EBPL: variants seen among roughly 807,000 people sequenced by gnomAD.
The protein encoded by EBPL is emopamil-binding protein-like.
EBPL carries 20 observed loss-of-function variants against 19.0 expected under a neutral mutation model. That is an observed-to-expected ratio of 1.05 (90% CI 0.74 to 1.53). EBPL has a LOEUF of 1.53. Ranked by LOEUF, EBPL falls within the 40% of genes most tolerant of loss-of-function variation. EBPL has a pLI of 0.00. For synonymous variants in EBPL, 107 were observed against 117.0 expected (o/e 0.91, Z 0.55); for missense variants, 219 against 261.1 (o/e 0.84, Z 1.11).
At chr13:49,685,637 G>A (rs1969739) in intron 1 of EBPL, among the ~76,000 whole-genome samples, 19,090 of 152,136 alleles carry the variant, frequency 0.13, 2,353 homozygotes, top group East Asian at 0.58. Context: ...CACTTTGGGA[G>A]GCTGAGACAG....
chr13:49,669,416 C>A (rs1953786226), intron 2 of EBPL, among the ~76,000 whole-genome samples: 1 of 152,086 alleles, frequency 6.6e-6, no homozygotes, highest in African/African-American at 2.4e-5. Context: ...TGCCCAGGCT[C>A]AAATATTGTT....
At chr13:49,691,191 C>A (rs1954059787) in intron 1 of EBPL, 63 bp downstream of exon 1, 4 of 1,253,258 alleles carry the variant, frequency 3.2e-6, no homozygotes, top group Non-Finnish European at 4.0e-6. Context: ...CCTCACCCCG[C>A]CTTGCCGCCC....
intron 2 of EBPL, chr13:49,668,235 C>T: frequency 6.0e-6 from 1 of 167,764 alleles, no homozygotes; most frequent in Non-Finnish European, 1.3e-5. Context: ...AACAGGAGTC[C>T]CCCACACAGA....
chr13:49,690,173 C>CAAAAAAAAAAAAAAAA (rs1332181431), intron 1 of EBPL, among the ~76,000 whole-genome samples: 6 of 96,484 alleles, frequency 6.2e-5, no homozygotes, highest in Non-Finnish European at 1.0e-4. Flanking sequence ...AAAAAAAAGA[C>CAAAAAAAAAAAAAAAA]AAAAAAAAAA....
intron 3 of EBPL, among the ~76,000 whole-genome samples, chr13:49,662,198 A>G (rs1317553880): frequency 6.6e-6 from 1 of 152,080 alleles, no homozygotes; most frequent in African/African-American, 2.4e-5. Context: ...GGGTTTCACC[A>G]TGTTGGCCAG....
At chr13:49,674,099 C>T (rs1489224161) in intron 1 of EBPL, among the ~76,000 whole-genome samples, 1 of 151,854 alleles carries the variant, frequency 6.6e-6, no homozygotes, top group African/African-American at 2.4e-5. Context: ...CCAAAATTAT[C>T]AAAATAGAAA....
chr13:49,675,160 C>T (rs1436789904), intron 1 of EBPL, among the ~76,000 whole-genome samples: 1 of 152,190 alleles, frequency 6.6e-6, no homozygotes, highest in African/African-American at 2.4e-5. Flanking sequence ...TTCACACAAA[C>T]CTAGGTTGTG....
chr13:49,675,876 TTG>T (rs1285697488), intron 1 of EBPL, among the ~76,000 whole-genome samples: 1 of 93,562 alleles, frequency 1.1e-5, no homozygotes, highest in South Asian at 3.7e-4. Context: ...TTTGTTGTTA[TTG>T]TTTTTTTTTT....
rs543577517 is a variant in EBPL at position 49,668,940 on chromosome 13, C to T, written c.241+837G>A. Among the ~76,000 whole-genome samples, 9 of 146,968 alleles carry T rather than the reference C, an allele frequency of 6.1e-5. No homozygotes were observed. The South Asian group carries it at 1.5e-3, about 25-fold the overall frequency. The stretch of plus-strand genomic sequence containing the variant: ...TGTCACCCAGACTGGAGTGCAGTGG[C>T]GTGATCTCGGCTCACTGCAAGCTCC... On this transcript the variant is annotated intron_variant, in intron 2 of 3. Coordinates refer to ENST00000242827, the MANE Select transcript of EBPL (RefSeq NM_032565.5).
At chr13:49,672,595 T>C (rs1375855615) in intron 1 of EBPL, among the ~76,000 whole-genome samples, 1 of 152,038 alleles carries the variant, frequency 6.6e-6, no homozygotes, top group African/African-American at 2.4e-5. Context: ...AAAATAATAA[T>C]AACAATAATA....
intron 1 of EBPL, among the ~76,000 whole-genome samples, chr13:49,678,525 A>T (rs916816379): frequency 3.3e-5 from 5 of 152,148 alleles, no homozygotes; most frequent in African/African-American, 4.8e-5. Flanking sequence ...TGGGGAACCC[A>T]GCTCACCCTC....
At chr13:49,664,489 A>G (rs4142157) in intron 2 of EBPL, among the ~76,000 whole-genome samples, 151,381 of 152,262 alleles carry the variant, frequency 0.99, 75,255 homozygotes, top group Middle Eastern at 1. Flanking sequence ...GTTTCTTCTC[A>G]GGAACACCAT....
At chr13:49,673,017 C>T (rs1953835018) in intron 1 of EBPL, among the ~76,000 whole-genome samples, 1 of 152,070 alleles carries the variant, frequency 6.6e-6, no homozygotes, top group Non-Finnish European at 1.5e-5. Flanking sequence ...CGTGATTGTG[C>T]CACTGCACTC....
chr13:49,673,463 A>G (rs1466430775), intron 1 of EBPL, among the ~76,000 whole-genome samples: 2 of 152,332 alleles, frequency 1.3e-5, no homozygotes, highest in Middle Eastern at 3.4e-3. Context: ...TTTGAGACAC[A>G]GTTTCACTCT....
At chr13:49,682,128 C>T (rs991940901) in intron 1 of EBPL, among the ~76,000 whole-genome samples, 5 of 152,162 alleles carry the variant, frequency 3.3e-5, no homozygotes, top group East Asian at 1.9e-4. Flanking sequence ...CTTAATTAGA[C>T]GATGATTTCC....
chr13:49,662,762 A>G (rs953971126), intron 3 of EBPL, among the ~76,000 whole-genome samples: 1 of 151,836 alleles, frequency 6.6e-6, no homozygotes, highest in South Asian at 2.1e-4. Flanking sequence ...CCTCTTAAGT[A>G]TCTGGGACTA....
At chr13:49,670,414 A>C (rs563994531) in intron 1 of EBPL, among the ~76,000 whole-genome samples, 1 of 152,360 alleles carries the variant, frequency 6.6e-6, no homozygotes, top group South Asian at 2.1e-4. Context: ...CCATCACTGA[A>C]GTGCTTCTTT....
At chr13:49,663,337 G>A (rs1965176953) in intron 2 of EBPL, 142 bp from the exon 3 acceptor site, 6 of 1,106,060 alleles carry the variant, frequency 5.4e-6, no homozygotes, top group African/African-American at 1.6e-5. Flanking sequence ...TTAGTGGAAG[G>A]CAGGAGAAGC....
intron 1 of EBPL, among the ~76,000 whole-genome samples, chr13:49,675,320 A>G (rs1190727804): frequency 6.6e-6 from 1 of 152,254 alleles, no homozygotes; most frequent in Non-Finnish European, 1.5e-5. Context: ...ACTGCACTAC[A>G]ACATTATGAC....
Sources: allele counts gnomAD v4.1 joint callset (sites outside exome capture counted in the v4.1 genomes callset), GRCh38; gene constraint gnomAD v4.1.1; transcripts MANE v1.5; gene names NCBI Gene and HGNC (gene_info 2026-07-23, HGNC 2026-07-21).